The following HECW1 variants were observed in gnomAD, a reference collection of about 807,000 sequenced individuals.
HECW1 encodes HECT, C2 and WW domain containing E3 ubiquitin protein ligase 1.
Under a neutral mutation model 182.3 loss-of-function variants are expected in HECW1, and 61 were observed. The observed-to-expected ratio is 0.33, with a 90% CI of 0.27 to 0.41. The LOEUF is 0.41. HECW1 is among the 10% of genes least tolerant of loss of function. The pLI is 1.00. For synonymous variants in HECW1, 859 were observed against 832.6 expected, an observed-to-expected ratio of 1.03 and a Z score of -0.55; for missense variants, 1,739 against 2,108.9, an observed-to-expected ratio of 0.82 and a Z score of 3.44.
intron 18 of HECW1, 136 bp downstream of exon 18, chr7:43,492,316 A>T: frequency 1.6e-6 from 1 of 642,128 alleles, no homozygotes; most frequent in Non-Finnish European, 2.7e-6. Flanking sequence ...CTCTTTTAGG[A>T]TATAGTGCAC....
At position 43,532,813 on chromosome 7, in the gene HECW1, T is replaced by C. The variant is rs1334049548; in HGVS notation, c.4020-8350T>C. On this transcript the variant is annotated intron_variant, in intron 24 of 29. Coordinates refer to ENST00000395891, the MANE Select transcript of HECW1 (RefSeq NM_015052.5). ...AATTATTGGTGGGAGTTTAAGATGA[T>C]ATTTGGTGGGGTAGGAAGTACACTT... Among the ~76,000 whole-genome samples, 4 of 152,248 alleles carry C rather than the reference T, an allele frequency of 2.6e-5. No homozygotes were observed. The East Asian group carries it at 7.7e-4, about 29-fold the overall frequency.
intron 5 of HECW1, among the ~76,000 whole-genome samples, chr7:43,322,067 G>T (rs986935070): frequency 6.6e-6 from 1 of 152,172 alleles, no homozygotes; most frequent in Non-Finnish European, 1.5e-5. Flanking sequence ...CCCAGCAAGA[G>T]AATTTCTTTT....
chr7:43,183,691 A>G (rs938899668), intron 2 of HECW1, among the ~76,000 whole-genome samples: 16 of 152,182 alleles, frequency 1.1e-4, no homozygotes, highest in Admixed American at 8.5e-4. Flanking sequence ...TCCATAGTCA[A>G]TCTATGGTTA....
intron 26 of HECW1, among the ~76,000 whole-genome samples, chr7:43,542,346 C>G (rs976016432): frequency 1.3e-5 from 2 of 151,884 alleles, no homozygotes; most frequent in Non-Finnish European, 1.5e-5. Flanking sequence ...CAAGGCTCAT[C>G]CATGTTGTAG....
rs774856233 is a variant in HECW1 at position 43,311,854 on chromosome 7, G to T, written c.119G>T (p.Arg40Leu). Residue 40 changes from arginine to leucine, a missense_variant, in exon 4 of 30, where the codon CGA becomes CTA. Physicochemically the swap from Arg to Leu is moderately radical, Grantham distance 102 (BLOSUM62 -2). Transcript: ENST00000395891. ...QSRRRCKEPL[R>L]YSYNPDQFHN... ...CGACGCCGGTGCAAGGAGCCGCTCC[G>T]ATACAGCTACAACCCCGACCAGTTC... 1 of 1,614,212 alleles carries T rather than the reference G, an allele frequency of 6.2e-7. No homozygotes were observed. The highest frequency in any genetic ancestry group is 8.5e-7 in the Non-Finnish European group (1 of 1,180,032).
chr7:43,123,689 G>A (rs1340477327), intron 2 of HECW1, among the ~76,000 whole-genome samples: 2 of 152,144 alleles, frequency 1.3e-5, no homozygotes, highest in East Asian at 3.9e-4. Context: ...TAATTAGCAG[G>A]TGGATGAGGC....
rs1585318648 is a variant in HECW1, at chr7:43,563,965, GTATACAT to G, written c.*2044_*2050del. 3 of 187,398 alleles carry G rather than the reference GTATACAT, an allele frequency of 1.6e-5. No individual in the cohort carries two copies. Among genetic ancestry groups the G allele is most frequent in the Non-Finnish European group, 3.4e-5 (3 of 88,842 alleles). The allele number at this position is 187,398 out of a possible 1,614,324, so 11.6% of individuals were successfully genotyped here. A position where few individuals can be genotyped will look rare whatever the true frequency, so the allele number is the denominator to read the frequency against. ...CGATGTGTCCGTTGTCAATCAAGGAGTATACATTATAGAAATTTAGACTTTTATTGTC... is the reference window on the plus strand; with the variant it reads ...CGATGTGTCCGTTGTCAATCAAGGAGTATAGAAATTTAGACTTTTATTGTC... On this transcript the variant is annotated 3_prime_UTR_variant, in exon 30 of 30. Coordinates refer to ENST00000395891, the MANE Select transcript of HECW1 (RefSeq NM_015052.5).
chr7:43,332,468 G>A (rs548084195), intron 5 of HECW1, among the ~76,000 whole-genome samples: 5 of 152,298 alleles, frequency 3.3e-5, no homozygotes, highest in Admixed American at 2.0e-4. Context: ...TGTGTGTGGC[G>A]AGAGGCCAAA....
At chr7:43,519,280 T>C (rs1197275174) in intron 24 of HECW1, among the ~76,000 whole-genome samples, 1 of 151,738 alleles carries the variant, frequency 6.6e-6, no homozygotes, top group Admixed American at 6.6e-5. Flanking sequence ...AGAGTCTTGC[T>C]CTGTCACCAG....
intron 3 of HECW1, among the ~76,000 whole-genome samples, chr7:43,256,944 G>A (rs1800649691): frequency 6.6e-6 from 1 of 152,156 alleles, no homozygotes; most frequent in Non-Finnish European, 1.5e-5. Flanking sequence ...TGAGAGCTAA[G>A]CATTTTAGAA....
At chr7:43,214,164 T>A (rs965367782) in intron 2 of HECW1, among the ~76,000 whole-genome samples, 4 of 151,960 alleles carry the variant, frequency 2.6e-5, no homozygotes, top group Non-Finnish European at 4.4e-5. Context: ...TTCATATATA[T>A]TTCTCTCTAA....
chr7:43,515,856 C>T (rs1014392398), intron 24 of HECW1, among the ~76,000 whole-genome samples: 1 of 152,082 alleles, frequency 6.6e-6, no homozygotes, highest in Admixed American at 6.5e-5. Flanking sequence ...TTAAAATGCT[C>T]GCATATTTTG....
intron 24 of HECW1, chr7:43,510,350 A>G (rs1054624954): frequency 6.6e-6 from 1 of 152,250 alleles, no homozygotes; most frequent in Non-Finnish European, 1.5e-5. Flanking sequence ...CTTAGAGATC[A>G]TGAATTGGAA....
rs1390605251 is a variant in HECW1 at position 43,432,356 on chromosome 7, G to A, written c.802-5647G>A. ...GGGTTTCACCGTTTTAGCCGGGATGGTCTCGATCTCCTGACCTCGTGATCC... is the reference window on the plus strand; with the variant it reads ...GGGTTTCACCGTTTTAGCCGGGATGATCTCGATCTCCTGACCTCGTGATCC... On this transcript the variant is annotated intron_variant, in intron 8 of 29. Transcript: ENST00000395891. The surrounding 1 kb of genome is among the most constrained non-coding windows in gnomAD (Gnocchi z 4.1). 6.6e-6 allele frequency among the ~76,000 whole-genome samples: 1 copy of A among 151,384 alleles called. No individual in the cohort carries two copies. The highest frequency in any genetic ancestry group is 1.5e-5 in the Non-Finnish European group (1 of 67,878).
chr7:43,218,102 G>A (rs1484106834), intron 2 of HECW1, among the ~76,000 whole-genome samples: 1 of 152,188 alleles, frequency 6.6e-6, no homozygotes, highest in Non-Finnish European at 1.5e-5. Context: ...GTGTCAAAAA[G>A]GATTTTGAAG....
At chr7:43,292,950 G>C (rs577219573) in intron 3 of HECW1, among the ~76,000 whole-genome samples, 52 of 152,250 alleles carry the variant, frequency 3.4e-4, no homozygotes, top group South Asian at 2.1e-3. Flanking sequence ...TATTGAAAAT[G>C]AAAGTACGTC....
At chr7:43,114,094 A>G (rs1019121497) in intron 1 of HECW1, 63 bp from the exon 2 acceptor site, 1 of 489,612 alleles carries the variant, frequency 2.0e-6, no homozygotes, top group Non-Finnish European at 3.5e-6. Context: ...TTTTGTGCTT[A>G]CTTCTCTTGG....
rs1434525710 is a variant in HECW1, at chr7:43,561,835, G to C, written c.4730G>C (p.Arg1577Pro). Residue 1577 changes from arginine to proline, a missense_variant, in exon 30 of 30, where the codon CGA becomes CCA. By Grantham distance (103) the Arg-to-Pro change is moderately radical. Around this residue, in one of 5 missense-constraint regions of HECW1, gnomAD observed 420 missense variants for 595.7 expected, o/e 0.71. Transcript: ENST00000395891. ...SLPRAHTCFN[R>P]LDLPPYPSYS... ...TTCAGGGCACACACATGCTTCAACC[G>C]ACTGGATCTTCCACCGTATCCCTCG... 1 of 1,613,450 alleles carries C rather than the reference G, an allele frequency of 6.2e-7. No homozygotes were observed. Among genetic ancestry groups the C allele is most frequent in the South Asian group, 1.1e-5 (1 of 91,052 alleles).
chr7:43,520,620 ATTTT>A (rs11453963), intron 24 of HECW1, among the ~76,000 whole-genome samples: 2 of 151,500 alleles, frequency 1.3e-5, no homozygotes, highest in African/African-American at 4.9e-5. Context: ...CTCTTGAATT[ATTTT>A]TTTATTATTA....
Sources: gnomAD v4.1 joint callset for allele counts (sites outside exome capture counted in the v4.1 genomes callset) on GRCh38, gnomAD v4.1.1 for gene constraint, gnomAD v4.1.1 regional missense constraint, Gnocchi (gnomAD v3.1) non-coding constraint, MANE v1.5 for transcripts, NCBI Gene and HGNC (gene_info 2026-07-23, HGNC 2026-07-21) for gene names.